PDIA5: variants seen among roughly 807,000 people sequenced by gnomAD.
PDIA5 encodes the protein protein disulfide-isomerase A5.
Under a neutral mutation model 77.6 loss-of-function variants are expected in PDIA5, and 58 were observed. The ratio of observed to expected loss-of-function variants is 0.75; its 90% confidence interval spans 0.61 to 0.93. PDIA5 has a LOEUF of 0.93. Among genes scored for constraint, PDIA5 ranks in the 40% least tolerant of loss-of-function variants. The probability of loss-of-function intolerance (pLI) is 0.00; values close to 1 mark genes in which losing one functional copy is unlikely to be tolerated. For synonymous variants in PDIA5, 250 were observed against 252.1 expected (o/e 0.99, Z 0.08); for missense variants, 630 against 647.7 (o/e 0.97, Z 0.30).
At chr3:123,156,339 G>T (rs977995880) in intron 15 of PDIA5, among the ~76,000 whole-genome samples, 1 of 152,190 alleles carries the variant, frequency 6.6e-6, no homozygotes, top group African/African-American at 2.4e-5. Flanking sequence ...GCGGCTTTGA[G>T]GCACCCCTCA....
chr3:123,071,034 G>A (rs1176489570), intron 1 of PDIA5, among the ~76,000 whole-genome samples: 1 of 152,040 alleles, frequency 6.6e-6, no homozygotes, highest in Non-Finnish European at 1.5e-5. Context: ...GGGGGTTACA[G>A]CATCCCTTTG....
chr3:123,116,743 C>T (rs946547579), intron 8 of PDIA5, among the ~76,000 whole-genome samples: 4 of 152,130 alleles, frequency 2.6e-5, no homozygotes, highest in Admixed American at 6.6e-5. Context: ...AGGCCTGTCC[C>T]GGCTTCCCAG....
intron 1 of PDIA5, among the ~76,000 whole-genome samples, chr3:123,085,204 T>G (rs965050597): frequency 2.0e-5 from 3 of 152,238 alleles, no homozygotes; most frequent in Non-Finnish European, 4.4e-5. Flanking sequence ...TTTATAATAC[T>G]GGTCAAACAT....
At chr3:123,139,002 C>T (rs3804755) in intron 11 of PDIA5, among the ~76,000 whole-genome samples, 64,078 of 151,972 alleles carry the variant, frequency 0.42, 15,077 homozygotes, top group East Asian at 0.61. Context: ...GAAATCCAGA[C>T]GAATCCGAGG....
chr3:123,085,349 G>A (rs1407112523), intron 1 of PDIA5, among the ~76,000 whole-genome samples: 1 of 152,138 alleles, frequency 6.6e-6, no homozygotes, highest in Admixed American at 6.5e-5. Context: ...ATTGGCTATG[G>A]GTGATGCCCA....
chr3:123,110,828 C>G (rs1030611795), intron 6 of PDIA5, 116 bp from the exon 7 acceptor site: 61 of 880,202 alleles, frequency 6.9e-5, no homozygotes, highest in Admixed American at 6.6e-4. Context: ...TGCTCACTCC[C>G]CCTCCCCTCC....
chr3:123,153,032 T>C (rs1935948895), intron 14 of PDIA5, among the ~76,000 whole-genome samples: 1 of 151,922 alleles, frequency 6.6e-6, no homozygotes, highest in South Asian at 2.1e-4. Context: ...CTGACACCTC[T>C]TGGAAGCATC....
In PDIA5 at chr3:123,141,913, T is replaced by C. The variant is rs183069492; in HGVS notation, c.911-3609T>C. On this transcript the variant is annotated intron_variant, in intron 11 of 16. Transcript: ENST00000316218. ...CCGTGTTCTTCCGCTTTGCCTCCCA[T>C]TGGACAGTGATTGGCTTGGAGTCCG... is the stretch of plus-strand genomic sequence containing the variant. 3.3e-3 allele frequency among the ~76,000 whole-genome samples: 509 copies of C among 152,302 alleles called. 3 individuals are homozygous for C. The highest frequency in any genetic ancestry group is 0.011 in the African/African-American group (465 of 41,576).
chr3:123,126,403 A>G (rs889914403), intron 10 of PDIA5, among the ~76,000 whole-genome samples: 1 of 152,192 alleles, frequency 6.6e-6, no homozygotes, highest in Admixed American at 6.5e-5. Context: ...AGAGCTAGTA[A>G]TGTCATTCTG....
In PDIA5 at chr3:123,156,403, C is replaced by T. The variant is rs114338775; in HGVS notation, c.1344+1362C>T. 8.5e-3 allele frequency among the ~76,000 whole-genome samples: 1,289 copies of T among 152,340 alleles called. 22 individuals are homozygous for T. Among genetic ancestry groups the T allele is most frequent in the African/African-American group, 0.028 (1,164 of 41,582 alleles). Reference sequence around the variant, plus strand: ...GAAGCGTTTTCTCCTCTGCCTGCCCCTTTCCCTGCACTGAGTGGGGTATGG... The same window carrying T: ...GAAGCGTTTTCTCCTCTGCCTGCCCTTTTCCCTGCACTGAGTGGGGTATGG... On this transcript the variant is annotated intron_variant, in intron 15 of 16. Transcript: ENST00000316218.
intron 7 of PDIA5, among the ~76,000 whole-genome samples, chr3:123,112,039 A>G (rs1934875231): frequency 1.3e-5 from 2 of 152,158 alleles, no homozygotes; most frequent in South Asian, 4.1e-4. Context: ...AGCTATACCA[A>G]CAGAGTTGAG....
At chr3:123,130,649 C>T in intron 11 of PDIA5, 33 bp downstream of exon 11, 1 of 1,610,084 alleles carries the variant, frequency 6.2e-7, no homozygotes, top group Non-Finnish European at 8.5e-7. Flanking sequence ...CCCTCCACAC[C>T]CTCCCCTCTC....
chr3:123,125,503 A>G (rs1935226038), intron 10 of PDIA5, among the ~76,000 whole-genome samples: 2 of 152,102 alleles, frequency 1.3e-5, no homozygotes, highest in Non-Finnish European at 2.9e-5. Context: ...TTCTGCTCGG[A>G]GCCCCTCCCC....
intron 16 of PDIA5, 105 bp from the exon 17 acceptor site, chr3:123,161,775 A>G (rs1560571342): frequency 7.5e-6 from 6 of 802,432 alleles, no homozygotes; most frequent in Non-Finnish European, 1.3e-5. Flanking sequence ...TCTCCCTGTC[A>G]TAGGAGTGAC....
chr3:123,109,775 G>A (rs1017713593), intron 6 of PDIA5, among the ~76,000 whole-genome samples: 4 of 152,084 alleles, frequency 2.6e-5, no homozygotes, highest in African/African-American at 9.7e-5. Flanking sequence ...TCAAGATAAT[G>A]TGTATATGAT....
intron 15 of PDIA5, 50 bp from the exon 16 acceptor site, chr3:123,161,271 G>T: frequency 6.3e-7 from 1 of 1,589,906 alleles, no homozygotes. Flanking sequence ...TGGGGTCCAG[G>T]CCTCAGCCTG....
chr3:123,158,119 C>T (rs1936060353), intron 15 of PDIA5, among the ~76,000 whole-genome samples: 1 of 152,248 alleles, frequency 6.6e-6, no homozygotes, highest in African/African-American at 2.4e-5. Flanking sequence ...TTGAACTCCC[C>T]ACAGTCATGA....
chr3:123,111,158 C>T (rs996211951), intron 7 of PDIA5, among the ~76,000 whole-genome samples, 154 bp downstream of exon 7: 2 of 152,132 alleles, frequency 1.3e-5, no homozygotes, highest in African/African-American at 4.8e-5. Context: ...TCTTTTCCTT[C>T]ATCTTTGCCT....
intron 7 of PDIA5, among the ~76,000 whole-genome samples, chr3:123,112,534 C>CTTTTTTTT (rs55977938): frequency 4.4e-4 from 27 of 61,480 alleles, no homozygotes; most frequent in Admixed American, 2.7e-3. Flanking sequence ...CAGCCCTATT[C>CTTTTTTTT]TTTTTTTTTT....
Sources: allele counts gnomAD v4.1 joint callset (sites outside exome capture counted in the v4.1 genomes callset), GRCh38; gene constraint gnomAD v4.1.1; transcripts MANE v1.5; gene names NCBI Gene and HGNC (gene_info 2026-07-23, HGNC 2026-07-21).